C2CD3: variants seen among roughly 807,000 people sequenced by gnomAD.
C2CD3 encodes C2 domain containing 3 centriole elongation regulator, also known as C2 domain-containing protein 3.
C2CD3 carries 148 observed loss-of-function variants against 234.0 expected under a neutral mutation model. The ratio of observed to expected loss-of-function variants is 0.63; its 90% CI spans 0.55 to 0.72. The LOEUF (loss-of-function observed/expected upper bound fraction) is 0.72, where lower values mean the gene tolerates loss of function less well. C2CD3 is among the 30% of genes least tolerant of loss of function. C2CD3 has a pLI of 0.00. For missense variants in C2CD3, 2,577 were observed against 2,811.5 expected, an observed-to-expected ratio of 0.92 and a Z score of 1.89; for synonymous variants, 1,000 against 1,035.4, an observed-to-expected ratio of 0.97 and a Z score of 0.66.
At chr11:74,085,128 G>T (rs149359419) in intron 21 of C2CD3, among the ~76,000 whole-genome samples, 158 bp from the exon 22 acceptor site, 2 of 150,976 alleles carry the variant, frequency 1.3e-5, no homozygotes, top group African/African-American at 4.9e-5. Context: ...CCCAATCAAA[G>T]CCTGAATGCC....
intron 32 of C2CD3, among the ~76,000 whole-genome samples, chr11:74,027,939 C>T (rs1162563996): frequency 6.6e-6 from 1 of 152,086 alleles, no homozygotes; most frequent in African/African-American, 2.4e-5. Flanking sequence ...TGTTGTACTC[C>T]CGTAAGGTTG....
At chr11:74,141,061 A>T (rs919660247) in intron 3 of C2CD3, among the ~76,000 whole-genome samples, 9 of 152,274 alleles carry the variant, frequency 5.9e-5, no homozygotes, top group Admixed American at 2.0e-4. Context: ...AGTTTCAATG[A>T]CAAAGAAAGC....
chr11:74,131,837 G>T (rs1957690748), intron 7 of C2CD3, among the ~76,000 whole-genome samples: 1 of 152,090 alleles, frequency 6.6e-6, no homozygotes, highest in Admixed American at 6.5e-5. Context: ...CTCCCAAAGT[G>T]CTGGGATTAT....
At chr11:74,118,807 A>C (rs1957113274) in intron 8 of C2CD3, among the ~76,000 whole-genome samples, 1 of 152,194 alleles carries the variant, frequency 6.6e-6, no homozygotes, top group African/African-American at 2.4e-5. Flanking sequence ...ATAGCTGTAA[A>C]GCCAGATTTT....
At chr11:74,033,269 A>C in intron 31 of C2CD3, 82 bp downstream of exon 31, 1 of 1,161,698 alleles carries the variant, frequency 8.6e-7, no homozygotes, top group East Asian at 2.6e-5. Flanking sequence ...GCATTCCATG[A>C]GGGTGGCCAC....
At position 74,085,844 on chromosome 11, in the gene C2CD3, T is replaced by G. The variant is rs1224477860; in HGVS notation, c.3684A>C (p.Thr1228=). ...TGGTGACAGAGGCATTGACCCCGACTGTGGCACTAAACTGTAGAGCGGGTT... is the reference window on the plus strand; with the variant it reads ...TGGTGACAGAGGCATTGACCCCGACGGTGGCACTAAACTGTAGAGCGGGTT... ...EREPALQFSA[T]VGVNASVTTH... The change falls in exon 21 of 33, where the codon ACA becomes ACC. Residue 1228 remains threonine, a synonymous_variant. Coordinates refer to ENST00000334126, the MANE Select transcript of C2CD3 (RefSeq NM_001286577.2). 6.2e-7 allele frequency: 1 copy of G among 1,614,064 alleles called. No individual in the cohort carries two copies. The highest frequency in any genetic ancestry group is 1.7e-5 in the Admixed American group (1 of 60,004).
At chr11:74,076,014 G>A (rs1462627414) in intron 23 of C2CD3, among the ~76,000 whole-genome samples, 1 of 152,202 alleles carries the variant, frequency 6.6e-6, no homozygotes, top group Non-Finnish European at 1.5e-5. Context: ...AGAAGTATTT[G>A]TGCTTGAGTT....
At chr11:74,018,349 A>G (rs1009116359) in intron 32 of C2CD3, among the ~76,000 whole-genome samples, 1 of 152,158 alleles carries the variant, frequency 6.6e-6, no homozygotes, top group Non-Finnish European at 1.5e-5. Flanking sequence ...GATCTCCTGT[A>G]CTGAGGTAAG....
At chr11:74,164,172 G>A (rs1243467316) in intron 2 of C2CD3, 2 of 972,884 alleles carry the variant, frequency 2.1e-6, no homozygotes, top group African/African-American at 3.5e-5. Context: ...CACTTGTTGT[G>A]GAATTAGAAT....
intron 12 of C2CD3, among the ~76,000 whole-genome samples, chr11:74,106,889 G>C (rs1026882095): frequency 1.1e-4 from 17 of 152,202 alleles, no homozygotes; most frequent in African/African-American, 4.1e-4. Flanking sequence ...GGAGAAACAA[G>C]AGGCTGTCAT....
intron 9 of C2CD3, among the ~76,000 whole-genome samples, chr11:74,117,361 A>AATATATATATATATATGTATATATAT (rs1957057145): frequency 4.2e-5 from 4 of 94,830 alleles, no homozygotes; most frequent in Admixed American, 1.4e-4. Flanking sequence ...TTTGGCCTCA[A>AATATATATATATATATGTATATATAT]ATATATATAT....
intron 8 of C2CD3, 99 bp downstream of exon 8, chr11:74,122,884 AGTAAG>A (rs1039969093): frequency 2.7e-5 from 19 of 698,186 alleles, no homozygotes; most frequent in South Asian, 1.8e-4. Context: ...ATTAAAATTA[AGTAAG>A]GTAAGTTATG....
At chr11:74,137,969 C>T (rs887119972) in intron 5 of C2CD3, among the ~76,000 whole-genome samples, 1 of 152,120 alleles carries the variant, frequency 6.6e-6, no homozygotes, top group Non-Finnish European at 1.5e-5. Flanking sequence ...ACAAAATGTC[C>T]TTAAGAATGT....
At chr11:74,106,903 C>T (rs375745549) in intron 12 of C2CD3, among the ~76,000 whole-genome samples, 8 of 152,154 alleles carry the variant, frequency 5.3e-5, no homozygotes, top group South Asian at 2.1e-4. Context: ...CTGTCATATG[C>T]GTAAAGCTGG....
chr11:74,074,568 T>C lies in C2CD3; in HGVS notation c.4636A>G (p.Asn1546Asp). 1 of 1,614,026 alleles carries C rather than the reference T, an allele frequency of 6.2e-7. No homozygotes were observed. The change falls in exon 24 of 33, where the codon AAC becomes GAC. Residue 1546 changes from asparagine to aspartate, a missense_variant. Coordinates refer to ENST00000334126, the MANE Select transcript of C2CD3 (RefSeq NM_001286577.2). ...VYPLFGRNAS[N>D]LSGAALRVHV... Reference sequence around the variant, plus strand: ...ACTCGCAAGGCAGCTCCTGAGAGGTTGGAAGCATTTCGTCCAAACAGAGGA... The same window carrying C: ...ACTCGCAAGGCAGCTCCTGAGAGGTCGGAAGCATTTCGTCCAAACAGAGGA...
intron 5 of C2CD3, among the ~76,000 whole-genome samples, chr11:74,136,923 T>G (rs1261546490): frequency 4.0e-5 from 6 of 151,160 alleles, no homozygotes; most frequent in Non-Finnish European, 8.8e-5. Flanking sequence ...ATTCTGCACA[T>G]GTGCCCCAGA....
chr11:74,163,235 T>C (rs1856588603), intron 2 of C2CD3, among the ~76,000 whole-genome samples: 1 of 152,232 alleles, frequency 6.6e-6, no homozygotes, highest in Non-Finnish European at 1.5e-5. Flanking sequence ...CATGGTTGTC[T>C]GTAAAGTAGG....
At chr11:74,014,697 A>G (rs1300870602) in intron 32 of C2CD3, among the ~76,000 whole-genome samples, 1 of 152,234 alleles carries the variant, frequency 6.6e-6, no homozygotes, top group Non-Finnish European at 1.5e-5. Context: ...TAAGCCCTGG[A>G]GGCAGAGAGA....
chr11:74,060,748 C>T (rs537074297), intron 24 of C2CD3, among the ~76,000 whole-genome samples: 113 of 152,288 alleles, frequency 7.4e-4, no homozygotes, highest in African/African-American at 2.4e-3. Context: ...TCGCCAGCAA[C>T]GGAACAAAGT....
Sources: gnomAD v4.1 joint callset for allele counts (sites outside exome capture counted in the v4.1 genomes callset) on GRCh38, gnomAD v4.1.1 for gene constraint, MANE v1.5 for transcripts, NCBI Gene and HGNC (gene_info 2026-07-23, HGNC 2026-07-21) for gene names.